The following VRK2 variants were observed in gnomAD, a reference collection of about 807,000 sequenced individuals.
VRK2 encodes the protein VRK serine/threonine kinase 2, also known as serine/threonine-protein kinase VRK2.
A neutral mutation model predicts 57.6 loss-of-function variants in VRK2; 60 were observed. The observed-to-expected ratio is 1.04, with a 90% CI of 0.85 to 1.29. The LOEUF (loss-of-function observed/expected upper bound fraction) is 1.29. Among genes scored for constraint, VRK2 ranks in the 50% most tolerant of loss-of-function variants. VRK2 has a pLI of 0.00. For synonymous variants in VRK2, 231 were observed against 199.2 expected (o/e 1.16, Z -1.35); for missense variants, 705 against 588.1 (o/e 1.20, Z -2.06).
At chr2:58,067,417 A>G (rs1668755818) in intron 2 of VRK2, among the ~76,000 whole-genome samples, 1 of 152,178 alleles carries the variant, frequency 6.6e-6, no homozygotes, top group Non-Finnish European at 1.5e-5. Flanking sequence ...CAGTTGTCAA[A>G]TTTATGGGTA....
At chr2:58,024,577 T>C (rs1673866513) in intron 1 of VRK2, among the ~76,000 whole-genome samples, 1 of 152,206 alleles carries the variant, frequency 6.6e-6, no homozygotes, top group Non-Finnish European at 1.5e-5. Flanking sequence ...ATTGTGGCCT[T>C]CCTGATATTT....
At chr2:58,013,079 TA>T (rs1461458049) in intron 1 of VRK2, among the ~76,000 whole-genome samples, 1 of 152,092 alleles carries the variant, frequency 6.6e-6, no homozygotes, top group Non-Finnish European at 1.5e-5. Flanking sequence ...TATGTTTTTA[TA>T]AAAAAATTTA....
chr2:58,033,344 TTTCTAAGAAGGAAGAAGGAGGG>T (rs1330133978), exon 3 of VRK2: 1 of 152,014 alleles, frequency 6.6e-6, no homozygotes, highest in African/African-American at 2.4e-5. Flanking sequence ...CACAAGGGGC[TTTCTAAGAAGGAAGAAGGAGGG>T]TTCAAGGCAG....
At chr2:58,029,091 T>C (rs1180229021) in intron 2 of VRK2, among the ~76,000 whole-genome samples, 3 of 151,542 alleles carry the variant, frequency 2.0e-5, no homozygotes, top group African/African-American at 7.3e-5. Context: ...GAGGTCTAAC[T>C]GCAGTTCAGT....
At chr2:58,033,339 G>T (rs1027345044) in exon 3 of VRK2, 2 of 152,080 alleles carry the variant, frequency 1.3e-5, no homozygotes, top group Middle Eastern at 6.8e-3. Flanking sequence ...GTAATCACAA[G>T]GGGCTTTCTA....
chr2:58,046,418 G>C (rs1279383381), upstream of VRK2: 5 of 906,920 alleles, frequency 5.5e-6, no homozygotes, highest in Non-Finnish European at 6.6e-6. Context: ...TTAGTTGCTC[G>C]GCGAGAGCTC....
intron 2 of VRK2, among the ~76,000 whole-genome samples, chr2:58,054,519 G>T (rs966375078): frequency 6.6e-6 from 1 of 151,986 alleles, no homozygotes; most frequent in African/African-American, 2.4e-5. Context: ...ATGAAATATG[G>T]ATAGACTTCT....
At chr2:58,099,423 T>A (rs1673638327) in intron 7 of VRK2, among the ~76,000 whole-genome samples, 2 of 152,116 alleles carry the variant, frequency 1.3e-5, no homozygotes, top group African/African-American at 4.8e-5. Context: ...TGAACTAGAA[T>A]GAACTCCTGA....
chr2:58,019,321 T>C (rs1673677562), intron 1 of VRK2, among the ~76,000 whole-genome samples: 1 of 152,116 alleles, frequency 6.6e-6, no homozygotes, highest in African/African-American at 2.4e-5. Context: ...AATAAGTATA[T>C]CCGCTTTTTT....
chr2:57,917,925 A>G (rs2717005), intron 1 of VRK2, among the ~76,000 whole-genome samples: 46,113 of 151,914 alleles, frequency 0.3, 8,198 homozygotes, highest in East Asian at 0.41. Context: ...GCTGCCCTGT[A>G]TATTCATTAT....
chr2:58,111,123 A>G (rs562208761), intron 7 of VRK2, among the ~76,000 whole-genome samples: 1 of 152,374 alleles, frequency 6.6e-6, no homozygotes, highest in Non-Finnish European at 1.5e-5. Context: ...AGTTAAAATT[A>G]GTTGTTTATT....
intron 1 of VRK2, among the ~76,000 whole-genome samples, chr2:57,984,232 T>C (rs562268489): frequency 6.6e-6 from 1 of 152,192 alleles, no homozygotes; most frequent in East Asian, 1.9e-4. Context: ...TGAATAGTTT[T>C]TTTAAAGTGA....
chr2:58,083,224 A>G (rs1050201325), intron 2 of VRK2, among the ~76,000 whole-genome samples: 1 of 151,746 alleles, frequency 6.6e-6, no homozygotes, highest in Non-Finnish European at 1.5e-5. Context: ...TTCTTGATAA[A>G]TATTTTAGCT....
chr2:58,141,671 A>AT (rs1681361025), intron 11 of VRK2, among the ~76,000 whole-genome samples: 1 of 152,010 alleles, frequency 6.6e-6, no homozygotes, highest in African/African-American at 2.4e-5. Flanking sequence ...TTTAATAATG[A>AT]TAGCATAAGA....
intron 1 of VRK2, among the ~76,000 whole-genome samples, chr2:58,023,639 T>C (rs1254516597): frequency 6.6e-6 from 1 of 151,288 alleles, no homozygotes; most frequent in Non-Finnish European, 1.5e-5. Flanking sequence ...TGATCATCAA[T>C]TTGAAAGTGA....
intron 7 of VRK2, among the ~76,000 whole-genome samples, chr2:58,093,425 C>T (rs1165245061): frequency 1.3e-5 from 2 of 152,062 alleles, no homozygotes; most frequent in African/African-American, 2.4e-5. Context: ...TGATGATGAG[C>T]ATTTTTTCAT....
chr2:58,011,670 T>C, intron 1 of VRK2, among the ~76,000 whole-genome samples: 1 of 152,314 alleles, frequency 6.6e-6, no homozygotes, highest in Admixed American at 6.5e-5. Flanking sequence ...ATATTTTATT[T>C]TGTAAATTTT....
At chr2:58,080,054 T>C (rs974920048) in intron 2 of VRK2, among the ~76,000 whole-genome samples, 1 of 152,004 alleles carries the variant, frequency 6.6e-6, no homozygotes, top group Admixed American at 6.6e-5. Context: ...TGAGGCTCTA[T>C]TTTAGGTGCT....
At chr2:57,953,535 G>A (rs916301487) in intron 1 of VRK2, among the ~76,000 whole-genome samples, 1 of 152,128 alleles carries the variant, frequency 6.6e-6, no homozygotes, top group African/African-American at 2.4e-5. Context: ...TATTAGAACT[G>A]CAGTTATACA....
Sources: allele counts gnomAD v4.1 joint callset (sites outside exome capture counted in the v4.1 genomes callset), GRCh38; gene constraint gnomAD v4.1.1; transcripts MANE v1.5; gene names NCBI Gene and HGNC (gene_info 2026-07-23, HGNC 2026-07-21).